Variants in LIPG observed in about 807,000 individuals in gnomAD.
LIPG encodes the protein endothelial lipase.
In LIPG, 34 loss-of-function variants were observed where a neutral mutation model predicts 51.8. That is an observed-to-expected ratio of 0.66 (90% CI 0.50 to 0.87). The LOEUF is 0.87. Among genes scored for constraint, LIPG ranks in the 40% least tolerant of loss-of-function variants. LIPG has a pLI of 0.00. For missense variants in LIPG, 580 were observed against 652.7 expected (o/e 0.89, Z 1.21); for synonymous variants, 246 against 246.1 (o/e 1.00, Z 0.00).
In LIPG at chr18:49,569,225, T is replaced by C. The variant is rs76090419; in HGVS notation, c.460-212T>C. ...TCCACCCTGTCCCCACACTTGGCAT[T>C]TGCAGTGCCACCAAGTCCTTTTGGC... is the stretch of plus-strand genomic sequence containing the variant. On this transcript the variant is annotated intron_variant, in intron 3 of 9. Coordinates refer to ENST00000261292, the MANE Select transcript of LIPG (RefSeq NM_006033.4). Among the ~76,000 whole-genome samples, 16 of 152,276 alleles carry C rather than the reference T, an allele frequency of 1.1e-4. No individual in the cohort carries two copies. In the South Asian group the frequency reaches 2.3e-3, roughly 22 times the overall value.
At chr18:49,584,698 T>C (rs2084864003) in intron 8 of LIPG, among the ~76,000 whole-genome samples, 1 of 152,238 alleles carries the variant, frequency 6.6e-6, no homozygotes, top group Non-Finnish European at 1.5e-5. Flanking sequence ...TGAATGATTC[T>C]AGTCTAGAAA....
intron 8 of LIPG, among the ~76,000 whole-genome samples, chr18:49,585,928 G>A (rs1246274410): frequency 2.6e-5 from 4 of 152,094 alleles, no homozygotes; most frequent in Admixed American, 6.6e-5. Context: ...TTTTATATGT[G>A]TATAAACATA....
chr18:49,575,676 CTATT>C, intron 5 of LIPG, 86 bp downstream of exon 5: 2 of 1,056,758 alleles, frequency 1.9e-6, no homozygotes, highest in Non-Finnish European at 2.8e-6. Flanking sequence ...ACTGCAGGCA[CTATT>C]TATTCATTAT....
intron 6 of LIPG, 45 bp downstream of exon 6, chr18:49,581,702 C>A: frequency 1.2e-6 from 2 of 1,603,422 alleles, no homozygotes; most frequent in South Asian, 1.1e-5. Flanking sequence ...GCCCTTAATA[C>A]CTCCTTCTTA....
intron 9 of LIPG, among the ~76,000 whole-genome samples, chr18:49,588,642 T>A (rs1441364514): frequency 3.3e-5 from 5 of 152,076 alleles, no homozygotes; most frequent in Admixed American, 2.6e-4. Flanking sequence ...CCCATGTATG[T>A]GGAGCTAAGT....
At chr18:49,578,509 GC>G (rs1169483022) in intron 5 of LIPG, among the ~76,000 whole-genome samples, 1 of 144,896 alleles carries the variant, frequency 6.9e-6, no homozygotes, top group Non-Finnish European at 1.5e-5. Flanking sequence ...TGGGATGGCG[GC>G]CGGGCGGAGA....
In LIPG at chr18:49,592,250, G is replaced by A. The variant is rs112998120; in HGVS notation, c.*1728G>A. ...CAAGATATGTTCTCAAGCCAATTGTGTGCTTCTCTTGTTTCTGTGATTGCT... is the reference window on the plus strand; with the variant it reads ...CAAGATATGTTCTCAAGCCAATTGTATGCTTCTCTTGTTTCTGTGATTGCT... On this transcript the variant is annotated 3_prime_UTR_variant, in exon 10 of 10. Transcript: ENST00000261292. 6.6e-6 allele frequency: 1 copy of A among 152,204 alleles called. No homozygotes were observed. Among genetic ancestry groups the A allele is most frequent in the African/African-American group, 2.4e-5 (1 of 41,454 alleles). The allele number at this position is 152,204 out of a possible 1,614,324, so 9.4% of individuals were successfully genotyped here.
At chr18:49,562,626 G>T (rs993044911) in intron 1 of LIPG, among the ~76,000 whole-genome samples, 4 of 152,206 alleles carry the variant, frequency 2.6e-5, no homozygotes, top group Non-Finnish European at 5.9e-5. Context: ...GGCAGGGTGC[G>T]CTGGCTCTTG....
chr18:49,580,845 T>C (rs2100158329), intron 5 of LIPG, among the ~76,000 whole-genome samples: 1 of 152,188 alleles, frequency 6.6e-6, no homozygotes, highest in South Asian at 2.1e-4. Context: ...TCTTGCTCTT[T>C]ATTGCTTTGT....
At position 49,597,154 on chromosome 18, in the gene LIPG, C is replaced by T. The variant is rs1290460579; in HGVS notation, c.*6632C>T. 1.3e-5 allele frequency: 2 copies of T among 152,216 alleles called. No individual in the cohort carries two copies. The highest frequency in any genetic ancestry group is 6.5e-5 in the Admixed American group (1 of 15,284). 9.4% of individuals were successfully genotyped at this position (152,216 alleles called of 1,614,324 possible). On this transcript the variant is annotated 3_prime_UTR_variant, in exon 10 of 10. Coordinates refer to ENST00000261292, the MANE Select transcript of LIPG (RefSeq NM_006033.4). The stretch of plus-strand genomic sequence containing the variant: ...AAACCAAGAAACAAAAGGAAAGGTT[C>T]CTGTTGGGATAGAGAAACAGTGGAG...
chr18:49,577,677 C>G (rs1360048098), intron 5 of LIPG, among the ~76,000 whole-genome samples: 42 of 97,442 alleles, frequency 4.3e-4, no homozygotes, highest in Admixed American at 1.8e-3. Flanking sequence ...CCGGACGGCA[C>G]GGCTGGCCAG....
Position 49,582,236 on chromosome 18 carries a change from G to A in LIPG, c.1037-126G>A, listed in dbSNP as rs9947619. On this transcript the variant is annotated intron_variant, in intron 6 of 9. Transcript: ENST00000261292. ...GACAGAACAAGAGCAGATGGGGGCT[G>A]CAGGCTGGGCTCAACCAAAAGAACA... 8,797 of 1,150,246 alleles carry A rather than the reference G, an allele frequency of 7.6e-3. 474 individuals are homozygous for A. In the African/African-American group the frequency reaches 0.12, roughly 16 times the overall value. 71.3% of individuals were successfully genotyped at this position (1,150,246 alleles called of 1,614,324 possible).
At chr18:49,573,144 G>C (rs190159431) in intron 4 of LIPG, among the ~76,000 whole-genome samples, 2 of 152,212 alleles carry the variant, frequency 1.3e-5, no homozygotes, top group African/African-American at 4.8e-5. Flanking sequence ...GGCACTGACC[G>C]TCTGGTGGGG....
intron 1 of LIPG, among the ~76,000 whole-genome samples, chr18:49,562,917 G>A (rs535268552): frequency 6.6e-6 from 1 of 152,128 alleles, no homozygotes; most frequent in African/African-American, 2.4e-5. Flanking sequence ...AGAAGCTGCC[G>A]GGCCTATTCC....
chr18:49,565,627 A>G (rs867206541), intron 2 of LIPG, 129 bp downstream of exon 2: 1 of 1,027,078 alleles, frequency 9.7e-7, no homozygotes, highest in Middle Eastern at 2.3e-4. Flanking sequence ...GGCTGCTTGT[A>G]TTTCAGACAG....
At position 49,573,928 on chromosome 18, in the gene LIPG, G is replaced by A. The variant is rs141322901; in HGVS notation, c.572-1441G>A. ...TTTTGGTGTGGGGTGTGTGTGTGTT[G>A]GGATTGACTTGTGCACTGTAGAATG... On this transcript the variant is annotated intron_variant, in intron 4 of 9. Transcript: ENST00000261292. 8.1e-4 allele frequency among the ~76,000 whole-genome samples: 123 copies of A among 152,282 alleles called. No individual in the cohort carries two copies. The East Asian group carries it at 0.021, about 26-fold the overall frequency.
Position 49,567,440 on chromosome 18 carries a change from A to C in LIPG, c.280-2A>C, listed in dbSNP as rs1204270927. On this transcript the variant is annotated splice_acceptor_variant, in intron 2 of 9. Coordinates refer to ENST00000261292, the MANE Select transcript of LIPG (RefSeq NM_006033.4). LOFTEE classifies it high-confidence loss of function. ...AAAAACAACTTCCACTTTTCTCTGC[A>C]GATGAGCGGTATCTTTGAAAACTGG... The C allele has an allele frequency of 6.2e-7, 1 of 1,614,018 alleles. No homozygotes were observed. Among genetic ancestry groups the C allele is most frequent in the South Asian group, 1.1e-5 (1 of 91,044 alleles).
intron 8 of LIPG, among the ~76,000 whole-genome samples, chr18:49,585,244 T>G (rs1568536678): frequency 6.6e-6 from 1 of 152,152 alleles, no homozygotes; most frequent in East Asian, 1.9e-4. Flanking sequence ...TGTATTTTTA[T>G]TACAGACGGG....
In LIPG at chr18:49,570,876, C is replaced by T. The variant is rs186952644; in HGVS notation, c.571+1328C>T. ...TAGAAGAGAGTCCTTAGCTAAATAA[C>T]GATTTGGTAAAGGTAGAATTTCAGA... On this transcript the variant is annotated intron_variant, in intron 4 of 9. Transcript: ENST00000261292. Among the ~76,000 whole-genome samples, 629 of 152,208 alleles carry T rather than the reference C, an allele frequency of 4.1e-3. 1 individual carries two copies. Among genetic ancestry groups the T allele is most frequent in the Middle Eastern group, 6.8e-3 (2 of 294 alleles).
Sources: gnomAD v4.1 joint callset for allele counts (sites outside exome capture counted in the v4.1 genomes callset) on GRCh38, gnomAD v4.1.1 for gene constraint, MANE v1.5 for transcripts, NCBI Gene and HGNC (gene_info 2026-07-23, HGNC 2026-07-21) for gene names.